Variants in TAGLN3 observed in about 807,000 individuals in gnomAD.
TAGLN3 encodes transgelin 3, also known as transgelin-3.
A neutral mutation model predicts 25.4 loss-of-function variants in TAGLN3; 12 were observed. That is an observed-to-expected ratio of 0.47 (90% confidence interval 0.30 to 0.77). The LOEUF is 0.77. Among genes scored for constraint, TAGLN3 ranks in the 30% least tolerant of loss-of-function variants. The probability of loss-of-function intolerance (pLI) is 0.06; values close to 1 mark genes in which losing one functional copy is unlikely to be tolerated. For missense variants in TAGLN3, 218 were observed against 255.8 expected, an observed-to-expected ratio of 0.85 and a Z score of 1.01; for synonymous variants, 96 against 94.8, an observed-to-expected ratio of 1.01 and a Z score of -0.08.
intron 3 of TAGLN3, among the ~76,000 whole-genome samples, chr3:112,001,643 C>G (rs140286261): frequency 6.6e-6 from 1 of 152,290 alleles, no homozygotes; most frequent in Non-Finnish European, 1.5e-5. Context: ...AATGTGTATA[C>G]CCAACCATAT....
At chr3:111,999,797 G>A (rs1173396330) in intron 2 of TAGLN3, among the ~76,000 whole-genome samples, 195 bp downstream of exon 2, 1 of 152,200 alleles carries the variant, frequency 6.6e-6, no homozygotes, top group Non-Finnish European at 1.5e-5. Context: ...CTAGCTTGGG[G>A]GTTCTCCACT....
intron 2 of TAGLN3, 134 bp downstream of exon 2, chr3:111,999,736 C>G: frequency 1.7e-6 from 2 of 1,182,478 alleles, no homozygotes; most frequent in Non-Finnish European, 2.3e-6. Context: ...GATGAGAATG[C>G]CTTTATTTCT....
rs1372306970 is a variant in TAGLN3, at chr3:112,011,846, G to A, written c.439G>A (p.Glu147Lys). 2.5e-6 allele frequency: 4 copies of A among 1,613,762 alleles called. No individual in the cohort carries two copies. The African/African-American group carries it at 4.0e-5, about 16-fold the overall frequency. Residue 147 changes from glutamate to lysine, a missense_variant, in exon 4 of 5, where the codon GAG becomes AAG. Glu to Lys is a moderately conservative substitution (Grantham distance 56, BLOSUM62 1). Coordinates refer to ENST00000478951, the MANE Select transcript of TAGLN3 (RefSeq NM_001008272.2). ...CAAGGATGATGGCTGCTATCGGGGA[G>A]AGCCATCCTGGTTTCACAGGTAAAA... ...VTKDDGCYRG[E>K]PSWFHRKAQQ...
Position 112,013,793 on chromosome 3 carries a change from T to C in TAGLN3, c.*242T>C. The stretch of plus-strand genomic sequence containing the variant: ...TGAGCTCCTCGGGCCCCAGAGTCTC[T>C]GTTTGATTATTTATTTATTTATTTA... On this transcript the variant is annotated 3_prime_UTR_variant, in exon 5 of 5. Transcript: ENST00000478951. 1 of 547,918 alleles carries C rather than the reference T, an allele frequency of 1.8e-6. No individual in the cohort carries two copies. Among genetic ancestry groups the C allele is most frequent in the Non-Finnish European group, 3.2e-6 (1 of 308,178 alleles). 33.9% of individuals were successfully genotyped at this position (547,918 alleles called of 1,614,324 possible).
intron 4 of TAGLN3, among the ~76,000 whole-genome samples, chr3:112,013,195 C>T: frequency 6.6e-6 from 1 of 151,990 alleles, no homozygotes; most frequent in East Asian, 1.9e-4. Flanking sequence ...AGGCTAGGGC[C>T]AGAGATAGCT....
chr3:112,000,673 C>A, intron 2 of TAGLN3, 99 bp from the exon 3 acceptor site: 1 of 1,353,646 alleles, frequency 7.4e-7, no homozygotes, highest in Non-Finnish European at 1.0e-6. Context: ...CCTGCCCAAA[C>A]TGGATGAGCA....
At chr3:112,013,376 A>G in intron 4 of TAGLN3, 34 bp from the exon 5 acceptor site, 1 of 1,592,678 alleles carries the variant, frequency 6.3e-7, no homozygotes, top group Non-Finnish European at 8.6e-7. Flanking sequence ...AAACTGTCAT[A>G]ATGACATTAT....
chr3:112,011,737 GC>G, intron 3 of TAGLN3, 25 bp from the exon 4 acceptor site: 1 of 1,606,292 alleles, frequency 6.2e-7, no homozygotes, highest in Non-Finnish European at 8.5e-7. Context: ...CACGTGCTTG[GC>G]TTTAAGCTCT....
chr3:112,008,611 T>C (rs2072943565), intron 3 of TAGLN3, among the ~76,000 whole-genome samples: 1 of 152,190 alleles, frequency 6.6e-6, no homozygotes, highest in Non-Finnish European at 1.5e-5. Context: ...TGTGCCACTC[T>C]CATCCAATGG....
intron 3 of TAGLN3, among the ~76,000 whole-genome samples, chr3:112,006,250 G>A (rs1484692563): frequency 6.6e-6 from 1 of 152,108 alleles, no homozygotes; most frequent in Non-Finnish European, 1.5e-5. Flanking sequence ...ATATGTCTGA[G>A]GTGAGGCCAA....
intron 3 of TAGLN3, among the ~76,000 whole-genome samples, chr3:112,010,160 A>G (rs1457116729): frequency 1.3e-5 from 2 of 152,062 alleles, no homozygotes; most frequent in Non-Finnish European, 2.9e-5. Context: ...GTCTAGTTCT[A>G]TAGTTTAATA....
intron 1 of TAGLN3, 146 bp downstream of exon 1, chr3:111,999,260 G>T: frequency 1.4e-6 from 1 of 725,572 alleles, no homozygotes; most frequent in Non-Finnish European, 2.2e-6. Flanking sequence ...AAACCCCATT[G>T]GCTTCATTGG....
chr3:112,012,489 T>A (rs951616733), intron 4 of TAGLN3, among the ~76,000 whole-genome samples: 1 of 152,064 alleles, frequency 6.6e-6, no homozygotes, highest in Non-Finnish European at 1.5e-5. Flanking sequence ...TTTTTTAAAA[T>A]GATTTTTTTT....
intron 2 of TAGLN3, among the ~76,000 whole-genome samples, chr3:112,000,107 G>A (rs113587063): frequency 0.021 from 3,189 of 152,290 alleles, 61 homozygotes; most frequent in Non-Finnish European, 0.029. Flanking sequence ...TTTGTTAACT[G>A]CATTTCTGAC....
intron 4 of TAGLN3, among the ~76,000 whole-genome samples, chr3:112,012,081 T>C (rs564389968): frequency 1.3e-5 from 2 of 152,334 alleles, no homozygotes; most frequent in South Asian, 2.1e-4. Flanking sequence ...TTCTACCAGA[T>C]ACCTCCCAGC....
chr3:112,006,551 A>C (rs2072919303), intron 3 of TAGLN3, among the ~76,000 whole-genome samples: 1 of 152,222 alleles, frequency 6.6e-6, no homozygotes, highest in Non-Finnish European at 1.5e-5. Context: ...AGAAAGATGG[A>C]AAAATCCAGT....
At chr3:112,010,226 A>T (rs572298483) in intron 3 of TAGLN3, among the ~76,000 whole-genome samples, 1 of 151,960 alleles carries the variant, frequency 6.6e-6, no homozygotes, top group South Asian at 2.1e-4. Context: ...GATCTGCTGG[A>T]TGTCAGGCCC....
At chr3:112,011,277 A>G (rs1559944178) in intron 3 of TAGLN3, among the ~76,000 whole-genome samples, 1 of 152,214 alleles carries the variant, frequency 6.6e-6, no homozygotes, top group Non-Finnish European at 1.5e-5. Context: ...CAGGGGCCAC[A>G]CTGCACATCC....
At chr3:112,009,959 G>A (rs1377526552) in intron 3 of TAGLN3, among the ~76,000 whole-genome samples, 2 of 151,406 alleles carry the variant, frequency 1.3e-5, no homozygotes, top group Non-Finnish European at 2.9e-5. Context: ...GTCTATATAA[G>A]AAGTGTTATA....
Sources: gnomAD v4.1 joint callset for allele counts (sites outside exome capture counted in the v4.1 genomes callset) on GRCh38, gnomAD v4.1.1 for gene constraint, MANE v1.5 for transcripts, NCBI Gene and HGNC (gene_info 2026-07-23, HGNC 2026-07-21) for gene names.